Variants in ELL2 observed in about 807,000 individuals in gnomAD.
The protein encoded by ELL2 is elongation factor for RNA polymerase II 2, also known as RNA polymerase II elongation factor ELL2.
A neutral mutation model predicts 72.8 loss-of-function variants in ELL2; 21 were observed. The observed-to-expected ratio is 0.29, with a 90% CI of 0.20 to 0.42. The LOEUF is 0.42. Ranked by LOEUF, ELL2 falls within the 10% of genes least tolerant of loss-of-function variation. The probability of loss-of-function intolerance (pLI) is 1.00; values close to 1 mark genes in which losing one functional copy is unlikely to be tolerated. For missense variants in ELL2, 568 were observed against 772.8 expected (o/e 0.73, Z 3.14); for synonymous variants, 266 against 283.2 (o/e 0.94, Z 0.61).
rs1749102609 is a variant in ELL2, at chr5:95,900,713, C to G, written c.934G>C (p.Asp312His). Reference sequence around the variant, plus strand: ...CATACCTGAGGAGAAGATACAGCGTCTCTACTAGAACATACAGGAGATTCT... The same window carrying G: ...CATACCTGAGGAGAAGATACAGCGTGTCTACTAGAACATACAGGAGATTCT... ...RSESPVCSSR[D>H]AVSSPQKRLL... The change falls in exon 7 of 12, where the codon GAC (aspartate) becomes CAC (histidine). Residue 312 changes from aspartate (D) to histidine (H), a missense_variant. This residue lies in a region of ELL2 where 511 missense variants were observed against 728.4 expected (regional missense o/e 0.70). Transcript: ENST00000237853. The G allele has an allele frequency of 1.2e-6, 2 of 1,600,192 alleles. No individual in the cohort carries two copies. The highest frequency in any genetic ancestry group is 1.7e-6 in the Non-Finnish European group (2 of 1,174,582).
chr5:95,943,797 A>G (rs1284468944), intron 1 of ELL2, among the ~76,000 whole-genome samples: 1 of 152,140 alleles, frequency 6.6e-6, no homozygotes, highest in Non-Finnish European at 1.5e-5. Flanking sequence ...TTTCTTCTTG[A>G]TAACTTCAAT....
chr5:95,913,295 A>C (rs1378773240), intron 4 of ELL2: 1 of 152,554 alleles, frequency 6.6e-6, no homozygotes, highest in Non-Finnish European at 1.5e-5. Flanking sequence ...TTTTGTAATG[A>C]AAAATCCTTG....
chr5:95,898,115 A>G (rs1748944912), intron 8 of ELL2, 125 bp downstream of exon 8: 1 of 821,250 alleles, frequency 1.2e-6, no homozygotes, highest in Non-Finnish European at 1.7e-6. Flanking sequence ...AAAACTGCTC[A>G]AAAGCACAAC....
Position 95,888,950 on chromosome 5 carries a change from T to G in ELL2, c.1844A>C (p.Glu615Ala). 6.2e-7 allele frequency: 1 copy of G among 1,607,430 alleles called. No individual in the cohort carries two copies. Residue 615 changes from glutamate (E) to alanine (A), a missense_variant, in exon 12 of 12, where the codon GAA becomes GCA. Glu to Ala is a moderately radical substitution (Grantham distance 107, BLOSUM62 -1). Coordinates refer to ENST00000237853, the MANE Select transcript of ELL2 (RefSeq NM_012081.6). ...PNYHEEKYRC[E>A]YLHNKLAHIK... Reference sequence around the variant, plus strand: ...GTGAGCCAGCTTGTTATGAAGATATTCACATCTGTATTTTTCTTCATGGTA... The same window carrying G: ...GTGAGCCAGCTTGTTATGAAGATATGCACATCTGTATTTTTCTTCATGGTA...
intron 9 of ELL2, among the ~76,000 whole-genome samples, 195 bp downstream of exon 9, chr5:95,895,433 G>GA (rs561514127): frequency 4.5e-4 from 69 of 152,320 alleles, no homozygotes; most frequent in African/African-American, 1.6e-3. Flanking sequence ...AGAGCGGGGG[G>GA]AGGCACAACC....
Position 95,933,769 on chromosome 5 carries a change from T to A in ELL2, c.195+9233A>T, listed in dbSNP as rs142363945. Among the ~76,000 whole-genome samples the A allele has an allele frequency of 2.8e-3, 430 of 152,004 alleles. 3 individuals carry two copies. The highest frequency in any genetic ancestry group is 9.2e-3 in the African/African-American group (381 of 41,408). Reference sequence around the variant, plus strand: ...GATACTTGCCCTTTGACCAATTACCTTAAATATTCTTGAAAGAGGTTAGAG... The same window carrying A: ...GATACTTGCCCTTTGACCAATTACCATAAATATTCTTGAAAGAGGTTAGAG... On this transcript the variant is annotated intron_variant, in intron 2 of 11. Transcript: ENST00000237853.
chr5:95,898,615 G>T lies in ELL2; in HGVS notation c.1150C>A (p.Pro384Thr), dbSNP rs1300298819. Residue 384 changes from proline (P) to threonine (T), a missense_variant, in exon 8 of 12, where the codon CCC becomes ACC. By Grantham distance (38) the Pro-to-Thr change is conservative (BLOSUM62 -1). Transcript: ENST00000237853. ...ACAATCTGAGGAGGATGTGAGATGG[G>T]CAGATAGGTTGAAGGCAGCGGTGGA... is the stretch of plus-strand genomic sequence containing the variant. Reference protein sequence around the residue: ...TPPPLPSTYLPISHPPQIVNS... With the variant: ...TPPPLPSTYLTISHPPQIVNS... 1 of 1,613,550 alleles carries T rather than the reference G, an allele frequency of 6.2e-7. No individual in the cohort carries two copies. The highest frequency in any genetic ancestry group is 2.2e-5 in the East Asian group (1 of 44,866).
At chr5:95,923,942 ATGGC>A (rs1750189811) in intron 2 of ELL2, among the ~76,000 whole-genome samples, 1 of 152,218 alleles carries the variant, frequency 6.6e-6, no homozygotes, top group Non-Finnish European at 1.5e-5. Flanking sequence ...ACTTATGTTT[ATGGC>A]TGGTAAGGCT....
intron 5 of ELL2, among the ~76,000 whole-genome samples, chr5:95,901,464 A>G (rs1265890277): frequency 2.0e-5 from 3 of 152,208 alleles, no homozygotes; most frequent in African/African-American, 4.8e-5. Flanking sequence ...GTCGATGCCT[A>G]AAAACTCCGA....
At chr5:95,918,613 A>T (rs1396441126) in intron 3 of ELL2, among the ~76,000 whole-genome samples, 1 of 152,198 alleles carries the variant, frequency 6.6e-6, no homozygotes, top group Admixed American at 6.5e-5. Context: ...AGTACTGCAC[A>T]GATAAGTCAC....
intron 2 of ELL2, among the ~76,000 whole-genome samples, chr5:95,937,816 A>AC (rs1352227233): frequency 7.9e-5 from 12 of 152,212 alleles, no homozygotes; most frequent in Admixed American, 7.9e-4. Context: ...ACTAAACACA[A>AC]CCCTTGGCAA....
At chr5:95,948,594 AT>A (rs950729020) in intron 1 of ELL2, among the ~76,000 whole-genome samples, 2 of 152,196 alleles carry the variant, frequency 1.3e-5, no homozygotes, top group South Asian at 2.1e-4. Context: ...TTTTATCCAA[AT>A]TTTTTTAGCC....
At chr5:95,893,489 A>C (rs1052265013) in intron 9 of ELL2, among the ~76,000 whole-genome samples, 1 of 152,110 alleles carries the variant, frequency 6.6e-6, no homozygotes, top group Non-Finnish European at 1.5e-5. Context: ...GGTTCACACC[A>C]TTCTCCTGCC....
chr5:95,907,095 T>C (rs1263146813), intron 4 of ELL2, among the ~76,000 whole-genome samples: 1 of 151,950 alleles, frequency 6.6e-6, no homozygotes, highest in East Asian at 1.9e-4. Flanking sequence ...ATAACTTATA[T>C]CTTAAATAAA....
At chr5:95,899,685 GA>G (rs1398136156) in intron 7 of ELL2, among the ~76,000 whole-genome samples, 4 of 152,166 alleles carry the variant, frequency 2.6e-5, no homozygotes, top group African/African-American at 9.7e-5. Context: ...ATTCTGGCTT[GA>G]AAGAAAATAA....
rs182411953 is a variant in ELL2, at chr5:95,956,890, T to A, written c.147+4685A>T. On this transcript the variant is annotated intron_variant, in intron 1 of 11. Transcript: ENST00000237853. ...AATGGCAATATATATGTACAAATTT[T>A]AAAAACATTATCACTTTCCTAGAAG... 7.9e-4 allele frequency among the ~76,000 whole-genome samples: 120 copies of A among 152,348 alleles called. 1 individual carries two copies. Among genetic ancestry groups the A allele is most frequent in the African/African-American group, 2.6e-3 (108 of 41,584 alleles).
rs1750335481 is a variant in ELL2, at chr5:95,927,389, A to ATATAGACACATACACACACACGTGTG, written c.196-7845_196-7844insCACACGTGTGTGTGTATGTGTCTATA. Among the ~76,000 whole-genome samples, 40 of 42,410 alleles carry ATATAGACACATACACACACACGTGTG rather than the reference A, an allele frequency of 9.4e-4. 11 individuals are homozygous for ATATAGACACATACACACACACGTGTG. In the East Asian group the frequency reaches 0.041, roughly 43 times the overall value. 27.8% of individuals were successfully genotyped at this position (42,410 alleles called of 152,430 possible). On this transcript the variant is annotated intron_variant, in intron 2 of 11. Transcript: ENST00000237853. ...TAGACATACACACACACACGTGTGTATATATAGACATACACACACGTGTGT... is the reference window on the plus strand; with the variant it reads ...TAGACATACACACACACACGTGTGTATATAGACACATACACACACACGTGTGTATATAGACATACACACACGTGTGT...
chr5:95,904,007 T>C (rs1749251051), intron 5 of ELL2, among the ~76,000 whole-genome samples: 1 of 152,200 alleles, frequency 6.6e-6, no homozygotes, highest in African/African-American at 2.4e-5. Context: ...AATATTAGGC[T>C]CTTTAAGTAG....
chr5:95,946,502 C>T (rs1413389276), intron 1 of ELL2, among the ~76,000 whole-genome samples: 1 of 152,196 alleles, frequency 6.6e-6, no homozygotes, highest in Non-Finnish European at 1.5e-5. Context: ...TGAAGTCCTT[C>T]CAAATTGTTC....
Sources: gnomAD v4.1 joint callset for allele counts (sites outside exome capture counted in the v4.1 genomes callset) on GRCh38, gnomAD v4.1.1 for gene constraint, gnomAD v4.1.1 regional missense constraint, MANE v1.5 for transcripts, NCBI Gene and HGNC (gene_info 2026-07-23, HGNC 2026-07-21) for gene names.